The following PHLDA2 variants were observed in gnomAD, a reference collection of about 807,000 sequenced individuals.
PHLDA2 encodes the protein pleckstrin homology-like domain family A member 2.
PHLDA2 carries 5 observed loss-of-function variants against 5.9 expected under a neutral mutation model. The observed-to-expected ratio is 0.85, with a 90% CI of 0.44 to 1.78. The LOEUF (loss-of-function observed/expected upper bound fraction) is 1.78, where lower values mean the gene tolerates loss of function less well. Among genes scored for constraint, PHLDA2 ranks in the 40% most tolerant of loss-of-function variants. The pLI, the probability that PHLDA2 is intolerant of heterozygous loss-of-function variation, is 0.02. For missense variants in PHLDA2, 216 were observed against 228.3 expected (o/e 0.95, Z 0.35); for synonymous variants, 111 against 102.7 (o/e 1.08, Z -0.49).
rs778666265 is a variant in PHLDA2 at position 2,928,985 on chromosome 11, A to T, written c.380T>A (p.Val127Glu). 1.4e-5 allele frequency: 22 copies of T among 1,552,982 alleles called. 1 individual carries two copies. The Middle Eastern group carries it at 6.0e-4, about 42-fold the overall frequency. Residue 127 changes from valine to glutamate, a missense_variant, in exon 1 of 2, where the codon GTG becomes GAG. By Grantham distance (121) the Val-to-Glu change is moderately radical. Coordinates refer to ENST00000314222, the MANE Select transcript of PHLDA2 (RefSeq NM_003311.4). ...TAPAAPAEDA[V>E]AAAAAAPSEP... ...GGAGGGTGCGGCGGCCGCGGCAGCC[A>T]CGGCGTCCTCGGCGGGTGCGGCGGG...
chr11:2,929,049 C>T lies in PHLDA2; in HGVS notation c.316G>A (p.Ala106Thr), dbSNP rs1449874986. 1.2e-6 allele frequency: 2 copies of T among 1,605,480 alleles called. No homozygotes were observed. The highest frequency in any genetic ancestry group is 1.3e-5 in the African/African-American group (1 of 74,428). The part of the protein sequence containing the change: ...LALIDFQNRR[A>T]LQDFRSRQER... ...TGGCGGCTGCGAAAGTCCTGCAGGG[C>T]GCGGCGGTTCTGGAAATCGATGAGC... The change falls in exon 1 of 2, where the codon GCC (alanine) becomes ACC (threonine). Residue 106 changes from alanine to threonine, a missense_variant. Physicochemically the swap from Ala to Thr is moderately conservative, Grantham distance 58. Transcript: ENST00000314222. The surrounding 1 kb of genome is among the most constrained non-coding windows in gnomAD (Gnocchi z 8.3).
chr11:2,928,860 G>A, intron 1 of PHLDA2, 36 bp downstream of exon 1: 2 of 1,301,382 alleles, frequency 1.5e-6, no homozygotes, highest in South Asian at 3.9e-5. Flanking sequence ...CGGCTGTTAG[G>A]GCGCAGGGCT....
At position 2,929,301 on chromosome 11, in the gene PHLDA2, G is replaced by T; in HGVS notation, c.64C>A (p.Gln22Lys). 6.2e-7 allele frequency: 1 copy of T among 1,609,886 alleles called. No individual in the cohort carries two copies. Residue 22 changes from glutamine (Q) to lysine (K), a missense_variant, in exon 1 of 2, where the codon CAG becomes AAG. Gln to Lys is a moderately conservative substitution (Grantham distance 53). Transcript: ENST00000314222. This position sits in a 1 kb window ranked among gnomAD's most constrained non-coding sequence, Gnocchi z 8.3. ...ACCCCGCGCTTCTTCTTCCATAGCT[G>T]GAAGAGGCTGTCGCTGCGCTTCTCC... is the stretch of plus-strand genomic sequence containing the variant. ...ELEKRSDSLFQLWKKKRGVLT... is the reference protein window; with the variant it reads ...ELEKRSDSLFKLWKKKRGVLT...
At chr11:2,928,825 T>C in intron 1 of PHLDA2, 71 bp downstream of exon 1, 1 of 1,099,168 alleles carries the variant, frequency 9.1e-7, no homozygotes, top group Non-Finnish European at 1.2e-6. Flanking sequence ...GGGGTTGAAG[T>C]GGTTTTTCCC....
Position 2,929,117 on chromosome 11 carries a change from C to A in PHLDA2, c.248G>T (p.Arg83Leu). ...VTTDHKEIDF[R>L]CAGESCWNAA... is the part of the protein sequence containing the mutation. ...GTTCCAGCAGCTCTCGCCCGCGCAG[C>A]GGAAGTCGATCTCCTTGTGGTCGGT... Residue 83 changes from arginine (R) to leucine (L), a missense_variant, in exon 1 of 2, where the codon CGC (arginine) becomes CTC (leucine). Transcript: ENST00000314222. This position sits in a 1 kb window ranked among gnomAD's most constrained non-coding sequence, Gnocchi z 8.3. 6.2e-7 allele frequency: 1 copy of A among 1,612,242 alleles called. No individual in the cohort carries two copies. The highest frequency in any genetic ancestry group is 1.1e-5 in the South Asian group (1 of 90,898).
Position 2,928,686 on chromosome 11 carries a change from G to A in PHLDA2, c.*11-19C>T, listed in dbSNP as rs1336424984. 5 of 475,418 alleles carry A rather than the reference G, an allele frequency of 1.1e-5. No individual in the cohort carries two copies. Among genetic ancestry groups the A allele is most frequent in the African/African-American group, 1.0e-4 (5 of 48,746 alleles). The allele number at this position is 475,418 out of a possible 1,614,324, so 29.4% of individuals were successfully genotyped here. ...TATGGCCCTGTGGGGAAAGGACTGG[G>A]TCAGAGAGCTGTGCCAGGGCCGGTC... is the stretch of plus-strand genomic sequence containing the variant. On this transcript the variant is annotated intron_variant, in intron 1 of 1. Coordinates refer to ENST00000314222, the MANE Select transcript of PHLDA2 (RefSeq NM_003311.4).
At position 2,929,141 on chromosome 11, in the gene PHLDA2, G is replaced by T. The variant is rs986688183; in HGVS notation, c.224C>A (p.Thr75Asn). The T allele has an allele frequency of 5.0e-6, 8 of 1,612,874 alleles. No individual in the cohort carries two copies. Among genetic ancestry groups the T allele is most frequent in the African/African-American group, 1.3e-5 (1 of 74,912 alleles). The change falls in exon 1 of 2, where the codon ACC (threonine) becomes AAC (asparagine). Residue 75 changes from threonine (T) to asparagine (N), a missense_variant. Thr to Asn is a moderately conservative substitution (Grantham distance 65). Coordinates refer to ENST00000314222, the MANE Select transcript of PHLDA2 (RefSeq NM_003311.4). This position sits in a 1 kb window ranked among gnomAD's most constrained non-coding sequence, Gnocchi z 8.3. ...GKYVYFTIVT[T>N]DHKEIDFRCA... ...GCGGAAGTCGATCTCCTTGTGGTCGGTGGTGACGATGGTGAAGTACACGTA... is the reference window on the plus strand; with the variant it reads ...GCGGAAGTCGATCTCCTTGTGGTCGTTGGTGACGATGGTGAAGTACACGTA...
rs779350387 is a variant in PHLDA2, at chr11:2,929,281, G to C, written c.84C>G (p.Arg28=). 6.2e-7 allele frequency: 1 copy of C among 1,610,658 alleles called. No homozygotes were observed. The highest frequency in any genetic ancestry group is 8.5e-7 in the Non-Finnish European group (1 of 1,179,236). ...DSLFQLWKKK[R]GVLTSDRLSL... ...TCAGGCGGTCGGAGGTGAGCACCCC[G>C]CGCTTCTTCTTCCATAGCTGGAAGA... The change falls in exon 1 of 2, where the codon CGC becomes CGG. Residue 28 remains arginine, a synonymous_variant. Coordinates refer to ENST00000314222, the MANE Select transcript of PHLDA2 (RefSeq NM_003311.4). This position sits in a 1 kb window ranked among gnomAD's most constrained non-coding sequence, Gnocchi z 8.3.
rs1363120497 is a variant in PHLDA2, at chr11:2,929,412, G to C, written c.-48C>G. 6.9e-7 allele frequency: 1 copy of C among 1,440,714 alleles called. No individual in the cohort carries two copies. The highest frequency in any genetic ancestry group is 1.2e-5 in the South Asian group (1 of 83,084). The allele number at this position is 1,440,714 out of a possible 1,614,324, so 89.2% of individuals were successfully genotyped here. A position where few individuals can be genotyped will look rare whatever the true frequency, so the allele number is the denominator to read the frequency against. On this transcript the variant is annotated 5_prime_UTR_variant, in exon 1 of 2. Coordinates refer to ENST00000314222, the MANE Select transcript of PHLDA2 (RefSeq NM_003311.4). This position sits in a 1 kb window ranked among gnomAD's most constrained non-coding sequence, Gnocchi z 8.3. ...GAGCGGCAATGCGGGCGGTGACGGCGCCGGCTCTGCTCCTCGTGGCCCCGG... is the reference window on the plus strand; with the variant it reads ...GAGCGGCAATGCGGGCGGTGACGGCCCCGGCTCTGCTCCTCGTGGCCCCGG...
rs1168987638 is a variant in PHLDA2, at chr11:2,928,626, G to A, written c.*52C>T. ...TTCTGCTGCAGGGCTGGAGAGCGCC[G>A]GCCACGTCCTAGCCTCGGTCCGACT... On this transcript the variant is annotated 3_prime_UTR_variant, in exon 2 of 2. Transcript: ENST00000314222. The A allele has an allele frequency of 9.6e-6, 4 of 415,910 alleles. No homozygotes were observed. The highest frequency in any genetic ancestry group is 9.0e-5 in the South Asian group (1 of 11,144). The allele number at this position is 415,910 out of a possible 1,614,324, so 25.8% of individuals were successfully genotyped here. A position where few individuals can be genotyped will look rare whatever the true frequency, so the allele number is the denominator to read the frequency against.
At position 2,929,328 on chromosome 11, in the gene PHLDA2, A is replaced by G. The variant is rs13390; in HGVS notation, c.37T>C (p.Leu13=). 265,029 of 1,605,924 alleles carry G rather than the reference A, an allele frequency of 0.17. 24,347 individuals carry two copies. Among genetic ancestry groups the G allele is most frequent in the Non-Finnish European group, 0.19 (224,859 of 1,177,382 alleles). The change falls in exon 1 of 2, where the codon TTG becomes CTG. Residue 13 remains leucine, a synonymous_variant. Transcript: ENST00000314222. This position sits in a 1 kb window ranked among gnomAD's most constrained non-coding sequence, Gnocchi z 8.3. ...SPDEVLREGE[L]EKRSDSLFQL... ...AAGAGGCTGTCGCTGCGCTTCTCCA[A>G]CTCGCCCTCGCGTAGCACCTCGTCG... is the stretch of plus-strand genomic sequence containing the variant.
chr11:2,928,919 G>C lies in PHLDA2; in HGVS notation c.446C>G (p.Pro149Arg). ...ACCGCGGCGGGCTCATGGCGTGCGGGGTTTGGGCTGCGGGGATGGCCTGGA... is the reference window on the plus strand; with the variant it reads ...ACCGCGGCGGGCTCATGGCGTGCGGCGTTTGGGCTGCGGGGATGGCCTGGA... The part of the protein sequence containing the change: ...EPSRPSPQPK[P>R]RTP Residue 149 changes from proline (P) to arginine (R), a missense_variant, in exon 1 of 2, where the codon CCC becomes CGC. Physicochemically the swap from Pro to Arg is moderately radical, Grantham distance 103. Coordinates refer to ENST00000314222, the MANE Select transcript of PHLDA2 (RefSeq NM_003311.4). 7 of 1,392,720 alleles carry C rather than the reference G, an allele frequency of 5.0e-6. No individual in the cohort carries two copies. The highest frequency in any genetic ancestry group is 6.5e-6 in the Non-Finnish European group (7 of 1,083,982). 86.3% of individuals were successfully genotyped at this position (1,392,720 alleles called of 1,614,324 possible).
In PHLDA2 at chr11:2,928,517, C is replaced by A. The variant is rs1160223953; in HGVS notation, c.*161G>T. 1.2e-5 allele frequency: 3 copies of A among 259,936 alleles called. No homozygotes were observed. Among genetic ancestry groups the A allele is most frequent in the Non-Finnish European group, 2.2e-5 (3 of 138,730 alleles). The allele number at this position is 259,936 out of a possible 1,614,324, so 16.1% of individuals were successfully genotyped here. A position where few individuals can be genotyped will look rare whatever the true frequency, so the allele number is the denominator to read the frequency against. On this transcript the variant is annotated 3_prime_UTR_variant, in exon 2 of 2. Coordinates refer to ENST00000314222, the MANE Select transcript of PHLDA2 (RefSeq NM_003311.4). Reference sequence around the variant, plus strand: ...AAAATATGTGACTACAAAGAACCAGCGAAATAAATACATAGATATTAGATA... The same window carrying A: ...AAAATATGTGACTACAAAGAACCAGAGAAATAAATACATAGATATTAGATA...
At position 2,929,417 on chromosome 11, in the gene PHLDA2, C is replaced by G. The variant is rs1850487740; in HGVS notation, c.-53G>C. ...GCAATGCGGGCGGTGACGGCGCCGG[C>G]TCTGCTCCTCGTGGCCCCGGCGCGG... On this transcript the variant is annotated 5_prime_UTR_variant, in exon 1 of 2. Coordinates refer to ENST00000314222, the MANE Select transcript of PHLDA2 (RefSeq NM_003311.4). The surrounding 1 kb of genome is among the most constrained non-coding windows in gnomAD (Gnocchi z 8.3). 5 of 1,402,372 alleles carry G rather than the reference C, an allele frequency of 3.6e-6. No individual in the cohort carries two copies. The highest frequency in any genetic ancestry group is 4.8e-6 in the Non-Finnish European group (5 of 1,031,066). The allele number at this position is 1,402,372 out of a possible 1,614,324, so 86.9% of individuals were successfully genotyped here.
Position 2,928,978 on chromosome 11 carries a change from G to A in PHLDA2, c.387C>T (p.Ala129=). The A allele has an allele frequency of 6.5e-7, 1 of 1,533,922 alleles. No homozygotes were observed. Residue 129 remains alanine (A), a synonymous_variant, in exon 1 of 2, where the codon GCC becomes GCT. Transcript: ENST00000314222. ...AGGGCTCGGAGGGTGCGGCGGCCGC[G>A]GCAGCCACGGCGTCCTCGGCGGGTG... ...PAAPAEDAVA[A]AAAAPSEPSE... is the part of the protein sequence containing the mutation.
rs1429711496 is a variant in PHLDA2, at chr11:2,929,073, G to C, written c.292C>G (p.Leu98Val). 5 of 1,611,172 alleles carry C rather than the reference G, an allele frequency of 3.1e-6. No individual in the cohort carries two copies. Among genetic ancestry groups the C allele is most frequent in the Non-Finnish European group, 4.2e-6 (5 of 1,179,438 alleles). ...GCGCGGCGGTTCTGGAAATCGATGA[G>C]CGCCAGCGCGATGGCCGCGTTCCAG... is the stretch of plus-strand genomic sequence containing the variant. Reference protein sequence around the residue: ...SCWNAAIALALIDFQNRRALQ... With the variant: ...SCWNAAIALAVIDFQNRRALQ... The change falls in exon 1 of 2, where the codon CTC (leucine) becomes GTC (valine). Residue 98 changes from leucine to valine, a missense_variant. Transcript: ENST00000314222. The surrounding 1 kb of genome is among the most constrained non-coding windows in gnomAD (Gnocchi z 8.3).
rs1433163649 is a variant in PHLDA2 at position 2,929,354 on chromosome 11, G to C, written c.11C>G (p.Pro4Arg). 1.9e-6 allele frequency: 3 copies of C among 1,605,566 alleles called. No homozygotes were observed. The highest frequency in any genetic ancestry group is 3.4e-5 in the Admixed American group (2 of 59,382). The change falls in exon 1 of 2, where the codon CCC (proline) becomes CGC (arginine). Residue 4 changes from proline (P) to arginine (R), a missense_variant. Physicochemically the swap from Pro to Arg is moderately radical, Grantham distance 103. Coordinates refer to ENST00000314222, the MANE Select transcript of PHLDA2 (RefSeq NM_003311.4). The surrounding 1 kb of genome is among the most constrained non-coding windows in gnomAD (Gnocchi z 8.3). Reference protein sequence around the residue: MKSPDEVLREGELE... With the variant: MKSRDEVLREGELE... ...CTCGCCCTCGCGTAGCACCTCGTCG[G>C]GGGATTTCATGTCGTGCCGAGCGCG...
Position 2,928,673 on chromosome 11 carries a change from G to C in PHLDA2, c.*11-6C>G. On this transcript the variant is annotated splice_polypyrimidine_tract_variant and splice_region_variant and intron_variant, in intron 1 of 1. Transcript: ENST00000314222. The stretch of plus-strand genomic sequence containing the variant: ...GACTCGTCCAGCGTATGGCCCTGTG[G>C]GGAAAGGACTGGGTCAGAGAGCTGT... 1 of 460,684 alleles carries C rather than the reference G, an allele frequency of 2.2e-6. No homozygotes were observed. The highest frequency in any genetic ancestry group is 3.8e-6 in the Non-Finnish European group (1 of 266,620). 28.5% of individuals were successfully genotyped at this position (460,684 alleles called of 1,614,324 possible).
Position 2,929,329 on chromosome 11 carries a change from C to T in PHLDA2, c.36G>A (p.Glu12=). The T allele has an allele frequency of 1.9e-6, 3 of 1,608,758 alleles. No homozygotes were observed. Among genetic ancestry groups the T allele is most frequent in the Admixed American group, 1.7e-5 (1 of 59,694 alleles). ...KSPDEVLREG[E]LEKRSDSLFQ... ...AGAGGCTGTCGCTGCGCTTCTCCAACTCGCCCTCGCGTAGCACCTCGTCGG... is the reference window on the plus strand; with the variant it reads ...AGAGGCTGTCGCTGCGCTTCTCCAATTCGCCCTCGCGTAGCACCTCGTCGG... Residue 12 remains glutamate, a synonymous_variant, in exon 1 of 2, where the codon GAG becomes GAA. Transcript: ENST00000314222. The surrounding 1 kb of genome is among the most constrained non-coding windows in gnomAD (Gnocchi z 8.3).
Sources: allele counts gnomAD v4.1 joint callset, GRCh38; gene constraint gnomAD v4.1.1; non-coding constraint Gnocchi (gnomAD v3.1); transcripts MANE v1.5; gene names NCBI Gene and HGNC (gene_info 2026-07-23, HGNC 2026-07-21).